FHOD3: variants seen among roughly 807,000 people sequenced by gnomAD.
The protein encoded by FHOD3 is FH1/FH2 domain-containing protein 3.
Under a neutral mutation model 173.0 loss-of-function variants are expected in FHOD3, and 90 were observed. The ratio of observed to expected loss-of-function variants is 0.52; its 90% CI spans 0.44 to 0.62. The LOEUF (loss-of-function observed/expected upper bound fraction) is 0.62. Among genes scored for constraint, FHOD3 ranks in the 20% least tolerant of loss-of-function variants. FHOD3 has a pLI of 0.00. For synonymous variants in FHOD3, 828 were observed against 823.0 expected (o/e 1.01, Z -0.10); for missense variants, 1,945 against 2,034.7 (o/e 0.96, Z 0.85).
chr18:36,475,406 T>C (rs1315475967), intron 3 of FHOD3, among the ~76,000 whole-genome samples: 2 of 151,226 alleles, frequency 1.3e-5, no homozygotes, highest in Non-Finnish European at 2.9e-5. Context: ...TTGTTTGCTG[T>C]GACTGCCATT....
intron 20 of FHOD3, 37 bp from the exon 21 acceptor site, chr18:36,740,619 C>G: frequency 6.4e-7 from 1 of 1,553,624 alleles, no homozygotes; most frequent in Non-Finnish European, 8.8e-7. Context: ...GGGTCCATCA[C>G]TAAGAGAAAA....
chr18:36,583,525 G>T (rs894423687), intron 6 of FHOD3, among the ~76,000 whole-genome samples: 54 of 152,256 alleles, frequency 3.5e-4, no homozygotes, highest in African/African-American at 1.3e-3. Flanking sequence ...TCTGGCTGGG[G>T]TTTCCCCTCC....
intron 25 of FHOD3, among the ~76,000 whole-genome samples, chr18:36,756,599 G>T (rs2042644210): frequency 6.6e-6 from 1 of 152,160 alleles, no homozygotes; most frequent in South Asian, 2.1e-4. Context: ...AGGGCACTTG[G>T]TTACTGCTCT....
At chr18:36,566,194 C>G (rs79121327) in intron 5 of FHOD3, among the ~76,000 whole-genome samples, 4,951 of 152,186 alleles carry the variant, frequency 0.033, 114 homozygotes, top group Non-Finnish European at 0.05. Context: ...TCATCAATGG[C>G]GTTTTGGTAT....
intron 28 of FHOD3, among the ~76,000 whole-genome samples, chr18:36,771,458 T>C (rs1229391286): frequency 1.3e-5 from 2 of 152,224 alleles, no homozygotes; most frequent in Non-Finnish European, 2.9e-5. Context: ...GCTGAGCCTA[T>C]TGCCATTTGC....
chr18:36,524,552 A>T (rs12954684), intron 5 of FHOD3, among the ~76,000 whole-genome samples: 16,561 of 152,106 alleles, frequency 0.11, 1,292 homozygotes, highest in East Asian at 0.46. Context: ...GGTACCCGTG[A>T]GGAGAGTGCG....
intron 16 of FHOD3, among the ~76,000 whole-genome samples, chr18:36,691,935 A>G (rs1237165330): frequency 2.0e-5 from 3 of 152,246 alleles, no homozygotes; most frequent in Non-Finnish European, 1.5e-5. Context: ...TGAACAGATG[A>G]CTAAATATGC....
Position 36,655,745 on chromosome 18 carries a change from C to CCACACA in FHOD3, c.1722-2307_1722-2302dup, listed in dbSNP as rs60138204. 7.2e-5 allele frequency among the ~76,000 whole-genome samples: 10 copies of CCACACA among 137,952 alleles called. No individual in the cohort carries two copies. The East Asian group carries it at 1.0e-3, about 14-fold the overall frequency. The allele number at this position is 137,952 out of a possible 152,430, so 90.5% of individuals were successfully genotyped here. ...AGTCATTAAAAAGAACCCTCACCCT[C>CCACACA]CACACACACACACACACACACACAC... is the stretch of plus-strand genomic sequence containing the variant. On this transcript the variant is annotated intron_variant, in intron 13 of 28. Transcript: ENST00000590592.
chr18:36,726,164 G>A (rs1294164358), intron 19 of FHOD3, among the ~76,000 whole-genome samples: 1 of 150,336 alleles, frequency 6.7e-6, no homozygotes, highest in African/African-American at 2.4e-5. Context: ...AAATATACAT[G>A]TTACATATAT....
intron 12 of FHOD3, 128 bp from the exon 13 acceptor site, chr18:36,653,214 T>C: frequency 1.3e-6 from 1 of 755,824 alleles, no homozygotes; most frequent in Admixed American, 2.8e-5. Context: ...ATGTGTATAA[T>C]GTGTCCAAAT....
At chr18:36,429,287 A>G (rs2050406764) in intron 3 of FHOD3, among the ~76,000 whole-genome samples, 1 of 152,176 alleles carries the variant, frequency 6.6e-6, no homozygotes, top group Non-Finnish European at 1.5e-5. Flanking sequence ...ACCTTGTATA[A>G]TATGATTGCT....
At chr18:36,582,988 A>G (rs1037977283) in intron 6 of FHOD3, among the ~76,000 whole-genome samples, 4 of 152,180 alleles carry the variant, frequency 2.6e-5, no homozygotes, top group African/African-American at 7.2e-5. Context: ...CAGCCTCAAG[A>G]TAATTAAGAA....
At chr18:36,369,615 T>C (rs1333773525) in intron 2 of FHOD3, among the ~76,000 whole-genome samples, 1 of 152,034 alleles carries the variant, frequency 6.6e-6, no homozygotes, top group African/African-American at 2.4e-5. Context: ...ATATAATATA[T>C]ATGTTATATA....
At chr18:36,605,321 A>G (rs867144380) in intron 8 of FHOD3, among the ~76,000 whole-genome samples, 80 of 152,298 alleles carry the variant, frequency 5.3e-4, no homozygotes, top group Middle Eastern at 6.8e-3. Flanking sequence ...TATTCTTATG[A>G]TCATAGCAGT....
At chr18:36,543,441 A>G (rs2057300246) in intron 5 of FHOD3, among the ~76,000 whole-genome samples, 1 of 152,170 alleles carries the variant, frequency 6.6e-6, no homozygotes, top group East Asian at 1.9e-4. Context: ...GTTTTCCTTG[A>G]TGGCCTGGTT....
At chr18:36,506,905 C>G (rs183673032) in intron 4 of FHOD3, among the ~76,000 whole-genome samples, 1 of 152,196 alleles carries the variant, frequency 6.6e-6, no homozygotes, top group Non-Finnish European at 1.5e-5. Flanking sequence ...CTAGAGGACT[C>G]GCTTCTGGAC....
rs117968411 is a variant in FHOD3 at position 36,740,949 on chromosome 18, G to A, written c.3759+111G>A. 4.7e-3 allele frequency: 5,099 copies of A among 1,078,774 alleles called. 18 individuals carry two copies. The highest frequency in any genetic ancestry group is 6.0e-3 in the Non-Finnish European group (4,678 of 773,714). The allele number at this position is 1,078,774 out of a possible 1,614,324, so 66.8% of individuals were successfully genotyped here. On this transcript the variant is annotated intron_variant, in intron 21 of 28. Transcript: ENST00000590592. ...AAATATCATTCTTGGCATAGGGTAC[G>A]GAGGGTGAATTGACAATGAGGAGGT...
intron 5 of FHOD3, among the ~76,000 whole-genome samples, chr18:36,542,668 A>G (rs944551076): frequency 1.1e-4 from 16 of 152,242 alleles, no homozygotes; most frequent in African/African-American, 3.9e-4. Context: ...TTTGAAAAAA[A>G]TGGCATATTT....
At chr18:36,361,707 A>C (rs529925378) in intron 2 of FHOD3, among the ~76,000 whole-genome samples, 6 of 151,890 alleles carry the variant, frequency 4.0e-5, no homozygotes, top group Non-Finnish European at 7.4e-5. Context: ...AAAAAGAAAA[A>C]AAAAGAAAAA....
Sources: gnomAD v4.1 joint callset for allele counts (sites outside exome capture counted in the v4.1 genomes callset) on GRCh38, gnomAD v4.1.1 for gene constraint, MANE v1.5 for transcripts, NCBI Gene and HGNC (gene_info 2026-07-23, HGNC 2026-07-21) for gene names.